TTN: variants seen among roughly 807,000 people sequenced by gnomAD.
TTN encodes the protein connectin.
Under a neutral mutation model 3,223.0 loss-of-function variants are expected in TTN, and 1,525 were observed. The ratio of observed to expected loss-of-function variants is 0.47; its 90% CI spans 0.45 to 0.49. The LOEUF (loss-of-function observed/expected upper bound fraction) is 0.49. Ranked by LOEUF, TTN falls within the 20% of genes least tolerant of loss-of-function variation. The probability of loss-of-function intolerance (pLI) is 0.00; values close to 1 mark genes in which losing one functional copy is unlikely to be tolerated. For synonymous variants in TTN, 14,094 were observed against 15,161.0 expected (o/e 0.93, Z 5.17); for missense variants, 40,786 against 43,424.0 (o/e 0.94, Z 5.40).
intron 294 of TTN, 72 bp downstream of exon 294, chr2:178,597,466 C>T (rs2052015952): frequency 1.4e-6 from 2 of 1,477,886 alleles, no homozygotes; most frequent in Non-Finnish European, 1.8e-6. Context: ...ACACAGCATA[C>T]AGCATAGCTT....
intron 159 of TTN, among the ~76,000 whole-genome samples, chr2:178,668,916 G>C (rs1209851016): frequency 6.6e-6 from 1 of 151,394 alleles, no homozygotes; most frequent in Non-Finnish European, 1.5e-5. Context: ...TTTGAGGTTT[G>C]AGTGGCCTTG....
At chr2:178,702,940 A>G (rs2075260462) in intron 106 of TTN, among the ~76,000 whole-genome samples, 1 of 152,238 alleles carries the variant, frequency 6.6e-6, no homozygotes, top group South Asian at 2.1e-4. Context: ...CATACTAAAG[A>G]GAGCTAATGA....
chr2:178,607,922 T>A lies in TTN; in HGVS notation c.52865A>T (p.Lys17622Met), dbSNP rs763564746. 1.2e-6 allele frequency: 2 copies of A among 1,612,924 alleles called. No individual in the cohort carries two copies. The highest frequency in any genetic ancestry group is 1.3e-5 in the African/African-American group (1 of 74,872). The change falls in exon 276 of 363, where the codon AAG becomes ATG. Residue 17622 changes from lysine to methionine, a missense_variant. Transcript: ENST00000589042. Reference protein sequence around the residue: ...GTNEWSRCTEKMIKVRQYTVK... With the variant: ...GTNEWSRCTEMMIKVRQYTVK... ...GGTGTACTGACGGACCTTGATCATC[T>A]TCTCTGTGCAGCGTGACCATTCATT...
intron 45 of TTN, among the ~76,000 whole-genome samples, chr2:178,757,003 G>A (rs2087224296): frequency 6.6e-6 from 1 of 152,062 alleles, no homozygotes; most frequent in African/African-American, 2.4e-5. Context: ...CTGAGTGGTT[G>A]ATGAAGACTC....
Position 178,574,575 on chromosome 2 carries a change from C to G in TTN, c.71557G>C (p.Asp23853His). Residue 23853 changes from aspartate to histidine, a missense_variant, in exon 326 of 363, where the codon GAT becomes CAT. Physicochemically the swap from Asp to His is moderately conservative, Grantham distance 81 (BLOSUM62 -1). Transcript: ENST00000589042. ...MTISWHEPLSDGGSPILGYHV... is the reference protein window; with the variant it reads ...MTISWHEPLSHGGSPILGYHV... ...TATCCTAAAATGGGGCTTCCACCAT[C>G]AGAAAGTGGCTCATGCCAGCTAATT... 6.2e-7 allele frequency: 1 copy of G among 1,613,540 alleles called. No individual in the cohort carries two copies. Among genetic ancestry groups the G allele is most frequent in the Non-Finnish European group, 8.5e-7 (1 of 1,179,606 alleles).
rs1559408209 is a variant in TTN, at chr2:178,571,956, T to C, written c.74176A>G (p.Thr24726Ala). ...PAFKLLFNTF[T>A]VLAGEDLKVD... The stretch of plus-strand genomic sequence containing the variant: ...TTTAGGTCTTCACCTGCCAGTACAG[T>C]GAAAGTATTGAACAGGAGTTTGAAG... The change falls in exon 326 of 363, where the codon ACT (threonine) becomes GCT (alanine). Residue 24726 changes from threonine (T) to alanine (A), a missense_variant. Coordinates refer to ENST00000589042, the MANE Select transcript of TTN (RefSeq NM_001267550.2). 6 of 1,613,230 alleles carry C rather than the reference T, an allele frequency of 3.7e-6. No individual in the cohort carries two copies. The highest frequency in any genetic ancestry group is 1.3e-5 in the African/African-American group (1 of 74,962).
intron 282 of TTN, 131 bp downstream of exon 282, chr2:178,603,745 A>T: frequency 1.1e-6 from 1 of 923,972 alleles, no homozygotes; most frequent in East Asian, 2.7e-5. Flanking sequence ...AGTCTATGTG[A>T]ACATGAACCT....
Position 178,718,968 on chromosome 2 carries a change from G to T in TTN, c.24232C>A (p.Pro8078Thr), listed in dbSNP as rs750589456. Residue 8078 changes from proline (P) to threonine (T), a missense_variant, in exon 84 of 363, where the codon CCA (proline) becomes ACA (threonine). By Grantham distance (38) the Pro-to-Thr change is conservative (BLOSUM62 -1). Coordinates refer to ENST00000589042, the MANE Select transcript of TTN (RefSeq NM_001267550.2). ...CSAVLTVQEP[P>T]SFEQTPDSVE... ...GAATCAGGGGTTTGTTCAAAAGATG[G>T]TGGTTCTAGATATTGCAAGGCGGAA... 3 of 1,602,620 alleles carry T rather than the reference G, an allele frequency of 1.9e-6. 1 individual carries two copies. In the East Asian group the frequency reaches 6.7e-5, roughly 36 times the overall value.
At chr2:178,690,472 T>A (rs755729469) in intron 121 of TTN, among the ~76,000 whole-genome samples, 2 of 152,180 alleles carry the variant, frequency 1.3e-5, no homozygotes, top group Non-Finnish European at 2.9e-5. Flanking sequence ...CAGAGCTTTG[T>A]GTGCAGAATT....
At chr2:178,755,439 T>A (rs993957504) in intron 46 of TTN, among the ~76,000 whole-genome samples, 2 of 152,178 alleles carry the variant, frequency 1.3e-5, no homozygotes, top group African/African-American at 2.4e-5. Flanking sequence ...TTCAATTTTC[T>A]ATTTTTCTTT....
At position 178,612,462 on chromosome 2, in the gene TTN, A is replaced by T; in HGVS notation, c.50063T>A (p.Val16688Glu). The T allele has an allele frequency of 1.2e-6, 2 of 1,612,350 alleles. No individual in the cohort carries two copies. The highest frequency in any genetic ancestry group is 1.7e-6 in the Non-Finnish European group (2 of 1,179,178). The change falls in exon 266 of 363, where the codon GTG (valine) becomes GAG (glutamate). Residue 16688 changes from valine (V) to glutamate (E), a missense_variant. Val to Glu is a moderately radical substitution (Grantham distance 121). Coordinates refer to ENST00000589042, the MANE Select transcript of TTN (RefSeq NM_001267550.2). ...DGGSPITNYI[V>E]EKRDVRRKGW... is the part of the protein sequence containing the mutation. ...TTTTCGCCTGACGTCTCTCTTTTCC[A>T]CAATGTAGTTGGTGATGGGGGACCC...
intron 326 of TTN, chr2:178,558,887 C>T: frequency 2.1e-6 from 1 of 482,972 alleles, no homozygotes; most frequent in South Asian, 2.9e-5. Context: ...AAAATTTACT[C>T]CAAATTCACC....
intron 114 of TTN, among the ~76,000 whole-genome samples, 161 bp downstream of exon 114, chr2:178,695,704 T>C (rs908430115): frequency 6.6e-6 from 1 of 151,952 alleles, no homozygotes; most frequent in Non-Finnish European, 1.5e-5. Flanking sequence ...TGAAAGTAAC[T>C]CTGAGGAAAA....
chr2:178,645,862 G>T, intron 217 of TTN, 58 bp downstream of exon 217: 1 of 1,101,772 alleles, frequency 9.1e-7, no homozygotes. Context: ...CATCATTTCA[G>T]ATGGCTGGAT....
At chr2:178,745,634 G>C in intron 47 of TTN, 1 of 1,612,754 alleles carries the variant, frequency 6.2e-7, no homozygotes, top group Non-Finnish European at 8.5e-7. Context: ...TGATTTGTTT[G>C]TAGCTACACA....
rs2058270771 is a variant in TTN, at chr2:178,621,476, A to G, written c.45348T>C (p.His15116=). Reference sequence around the variant, plus strand: ...GATTATTCACTGTAGTTTTCATACCATGTACTTTGACTTTGCCATCGGTTC... The same window carrying G: ...GATTATTCACTGTAGTTTTCATACCGTGTACTTTGACTTTGCCATCGGTTC... The part of the protein sequence containing the change: ...SSRTDGKVKV[H]ELAAEFISKP... The change falls in exon 245 of 363, where the codon CAT becomes CAC. Residue 15116 remains histidine, a splice_region_variant and synonymous_variant. Coordinates refer to ENST00000589042, the MANE Select transcript of TTN (RefSeq NM_001267550.2). The G allele has an allele frequency of 4.3e-6, 7 of 1,612,200 alleles. No individual in the cohort carries two copies. The highest frequency in any genetic ancestry group is 1.7e-4 in the Middle Eastern group (1 of 6,042).
Position 178,546,514 on chromosome 2 carries a change from CA to C in TTN, c.94829-13del. 1.2e-6 allele frequency: 2 copies of C among 1,606,480 alleles called. No individual in the cohort carries two copies. Among genetic ancestry groups the C allele is most frequent in the Non-Finnish European group, 1.7e-6 (2 of 1,175,118 alleles). ...GGCTTTGGGTGGAGCTGTCAGTAGG[CA>C]AAACAGATATGAATGAATATCTGAG... On this transcript the variant is annotated splice_polypyrimidine_tract_variant and intron_variant, in intron 341 of 362. Transcript: ENST00000589042.
At position 178,618,463 on chromosome 2, in the gene TTN, T is replaced by C; in HGVS notation, c.46995A>G (p.Glu15665=). The C allele has an allele frequency of 6.2e-7, 1 of 1,612,490 alleles. No individual in the cohort carries two copies. The part of the protein sequence containing the change: ...IDVPGPVRNL[E]VTETFDGEVS... ...CTTCACCATCAAATGTTTCTGTCACTTCTAAGTTACGTACTGGCCCAGGAA... is the reference window on the plus strand; with the variant it reads ...CTTCACCATCAAATGTTTCTGTCACCTCTAAGTTACGTACTGGCCCAGGAA... Residue 15665 remains glutamate, a synonymous_variant, in exon 252 of 363, where the codon GAA becomes GAG. Coordinates refer to ENST00000589042, the MANE Select transcript of TTN (RefSeq NM_001267550.2).
rs370634364 is a variant in TTN, at chr2:178,583,922, G to A, written c.65276-16C>T. ...CCAGGAGGATCTAAAACAAAAAGAG[G>A]TACACTCACCATTTATCTTACCAGC... On this transcript the variant is annotated splice_polypyrimidine_tract_variant and intron_variant, in intron 311 of 362. Coordinates refer to ENST00000589042, the MANE Select transcript of TTN (RefSeq NM_001267550.2). 1.9e-5 allele frequency: 29 copies of A among 1,523,402 alleles called. No homozygotes were observed. Among genetic ancestry groups the A allele is most frequent in the Admixed American group, 4.1e-5 (2 of 48,664 alleles). The allele number at this position is 1,523,402 out of a possible 1,614,324, so 94.4% of individuals were successfully genotyped here.
Sources: allele counts gnomAD v4.1 joint callset (sites outside exome capture counted in the v4.1 genomes callset), GRCh38; gene constraint gnomAD v4.1.1; transcripts MANE v1.5; gene names NCBI Gene and HGNC (gene_info 2026-07-23, HGNC 2026-07-21).